LAMA4: variants seen among roughly 807,000 people sequenced by gnomAD.
LAMA4 encodes the protein laminin subunit alpha-4.
Under a neutral mutation model 207.1 loss-of-function variants are expected in LAMA4, and 127 were observed. That is an observed-to-expected ratio of 0.61 (90% CI 0.53 to 0.71). The LOEUF (loss-of-function observed/expected upper bound fraction) is 0.71. LAMA4 is among the 30% of genes least tolerant of loss of function. The pLI is 0.00. For missense variants in LAMA4, 2,093 were observed against 2,246.5 expected (o/e 0.93, Z 1.38); for synonymous variants, 761 against 816.0 (o/e 0.93, Z 1.15).
At chr6:112,141,720 G>C (rs542984736) in intron 20 of LAMA4, among the ~76,000 whole-genome samples, 2 of 152,128 alleles carry the variant, frequency 1.3e-5, no homozygotes, top group South Asian at 2.1e-4. Context: ...GCTCAGGCTC[G>C]TGGAAATTTG....
intron 38 of LAMA4, among the ~76,000 whole-genome samples, chr6:112,113,517 G>A (rs1480999132): frequency 2.0e-5 from 3 of 152,170 alleles, no homozygotes; most frequent in Non-Finnish European, 4.4e-5. Context: ...GTCACCATCC[G>A]GGATTATACA....
chr6:112,148,681 A>G (rs920186131), intron 17 of LAMA4, among the ~76,000 whole-genome samples: 14 of 148,632 alleles, frequency 9.4e-5, no homozygotes, highest in Admixed American at 1.4e-4. Context: ...AAATGATTCT[A>G]TAGAAGTTAA....
In LAMA4 at chr6:112,144,775, G is replaced by C; in HGVS notation, c.2493+19C>G. On this transcript the variant is annotated intron_variant, in intron 19 of 38. Transcript: ENST00000230538. ...TTATTATTACCGCTGACTGACTGAT[G>C]AGTCTTTTCATCAGTTACCTTGCTG... The C allele has an allele frequency of 1.2e-6, 2 of 1,612,088 alleles. No homozygotes were observed. The highest frequency in any genetic ancestry group is 1.7e-6 in the Non-Finnish European group (2 of 1,179,838).
At chr6:112,207,518 AAACC>A (rs112175330) in intron 3 of LAMA4, among the ~76,000 whole-genome samples, 5 of 152,056 alleles carry the variant, frequency 3.3e-5, no homozygotes, top group Non-Finnish European at 7.4e-5. Context: ...ATGAAATGAG[AAACC>A]AACCAACCAA....
chr6:112,242,582 C>T (rs1786596763), intron 2 of LAMA4, among the ~76,000 whole-genome samples: 1 of 152,142 alleles, frequency 6.6e-6, no homozygotes, highest in Non-Finnish European at 1.5e-5. Context: ...ACCTGAGGTT[C>T]TGCATCTCTA....
Position 112,142,310 on chromosome 6 carries a change from T to G in LAMA4, c.2494-18A>C. 19 of 1,613,630 alleles carry G rather than the reference T, an allele frequency of 1.2e-5. No individual in the cohort carries two copies. Among genetic ancestry groups the G allele is most frequent in the Non-Finnish European group, 1.6e-5 (19 of 1,179,670 alleles). Reference sequence around the variant, plus strand: ...ACTTGGATCTGGAGTGACACAACGGTTTCATTAAAAGTGCTTTGCAGAAAT... The same window carrying G: ...ACTTGGATCTGGAGTGACACAACGGGTTCATTAAAAGTGCTTTGCAGAAAT... On this transcript the variant is annotated intron_variant, in intron 19 of 38. Coordinates refer to ENST00000230538, the MANE Select transcript of LAMA4 (RefSeq NM_001105206.3).
intron 36 of LAMA4, among the ~76,000 whole-genome samples, chr6:112,115,186 T>C (rs1339509560): frequency 2.0e-5 from 3 of 152,244 alleles, no homozygotes; most frequent in East Asian, 3.9e-4. Context: ...TTGGGAGGAT[T>C]AAATGAGTTA....
At chr6:112,109,678 A>G in intron 38 of LAMA4, 96 bp from the exon 39 acceptor site, 1 of 1,224,566 alleles carries the variant, frequency 8.2e-7, no homozygotes, top group East Asian at 2.4e-5. Flanking sequence ...TGCTCATATC[A>G]TCAATATGAT....
chr6:112,184,413 TGG>T (rs1415576081), intron 9 of LAMA4, among the ~76,000 whole-genome samples: 1 of 152,086 alleles, frequency 6.6e-6, no homozygotes, highest in East Asian at 1.9e-4. Flanking sequence ...AGCACATGGA[TGG>T]ATGTTTTTCC....
At chr6:112,151,570 T>C (rs1327840706) in intron 16 of LAMA4, among the ~76,000 whole-genome samples, 8 of 152,156 alleles carry the variant, frequency 5.3e-5, no homozygotes, top group South Asian at 2.1e-4. Context: ...TATTTAGATC[T>C]TTATGCGTAG....
At chr6:112,227,569 T>C (rs1785292325) in intron 2 of LAMA4, among the ~76,000 whole-genome samples, 1 of 152,254 alleles carries the variant, frequency 6.6e-6, no homozygotes, top group South Asian at 2.1e-4. Context: ...GTGACTAATG[T>C]GGTCTTGACA....
At chr6:112,169,307 G>C (rs1006102721) in intron 12 of LAMA4, among the ~76,000 whole-genome samples, 1 of 152,160 alleles carries the variant, frequency 6.6e-6, no homozygotes, top group African/African-American at 2.4e-5. Context: ...TTGGAGGGGA[G>C]AGGAGAACCC....
At chr6:112,152,572 A>C (rs982204120) in intron 16 of LAMA4, among the ~76,000 whole-genome samples, 1 of 152,094 alleles carries the variant, frequency 6.6e-6, no homozygotes, top group Non-Finnish European at 1.5e-5. Flanking sequence ...TTTCTTAACA[A>C]ACAGAAAAAT....
At chr6:112,241,148 T>TGAATATATATATGAATATATAG in intron 2 of LAMA4, among the ~76,000 whole-genome samples, 1 of 99,654 alleles carries the variant, frequency 1.0e-5, no homozygotes, top group East Asian at 2.2e-4. Flanking sequence ...AATATATATA[T>TGAATATATATATGAATATATAG]GAATATATAT....
At position 112,119,185 on chromosome 6, in the gene LAMA4, C is replaced by A. The variant is rs202176359; in HGVS notation, c.4792G>T (p.Ala1598Ser). The change falls in exon 34 of 39, where the codon GCT (alanine) becomes TCT (serine). Residue 1598 changes from alanine to serine, a missense_variant. Physicochemically the swap from Ala to Ser is moderately conservative, Grantham distance 99. This residue lies in a region of LAMA4 where 383 missense variants were observed against 437.8 expected (regional missense o/e 0.87). Coordinates refer to ENST00000230538, the MANE Select transcript of LAMA4 (RefSeq NM_001105206.3). ...IKGPIYLGGV[A>S]PGKAVKNVQI... The stretch of plus-strand genomic sequence containing the variant: ...ACATTTTTCACAGCCTTTCCAGGAG[C>A]CACACCTCCCAAATAAATGGGACCC... 321 of 1,613,850 alleles carry A rather than the reference C, an allele frequency of 2.0e-4. No homozygotes were observed. The highest frequency in any genetic ancestry group is 2.5e-4 in the Non-Finnish European group (296 of 1,179,928).
At chr6:112,251,982 G>C (rs1554189950) in intron 2 of LAMA4, among the ~76,000 whole-genome samples, 1 of 152,086 alleles carries the variant, frequency 6.6e-6, no homozygotes, top group Non-Finnish European at 1.5e-5. Context: ...ATAATATTAA[G>C]TAAAAGAAAA....
intron 29 of LAMA4, among the ~76,000 whole-genome samples, chr6:112,130,693 AATATTAGTAGGC>A (rs1284329075): frequency 6.6e-6 from 1 of 152,078 alleles, no homozygotes; most frequent in Non-Finnish European, 1.5e-5. Context: ...TTCAGTAGGT[AATATTAGTAGGC>A]ATTTCCCTCA....
intron 2 of LAMA4, chr6:112,217,508 G>A (rs1354577321): frequency 1.3e-5 from 2 of 152,042 alleles, no homozygotes; most frequent in Non-Finnish European, 2.9e-5. Context: ...TGGCGACCAG[G>A]AAATTTTCAT....
In LAMA4 at chr6:112,146,852, A is replaced by G. The variant is rs1276361357; in HGVS notation, c.2353+1305T>C. ...ATATTTATTGTTTGGATCACTGACA[A>G]CGACATTTATTTTAGAGTATACTAG... On this transcript the variant is annotated intron_variant, in intron 18 of 38. Coordinates refer to ENST00000230538, the MANE Select transcript of LAMA4 (RefSeq NM_001105206.3). Among the ~76,000 whole-genome samples, 7 of 152,346 alleles carry G rather than the reference A, an allele frequency of 4.6e-5. No individual in the cohort carries two copies. In the South Asian group the frequency reaches 1.2e-3, roughly 27 times the overall value.
Sources: gnomAD v4.1 joint callset for allele counts (sites outside exome capture counted in the v4.1 genomes callset) on GRCh38, gnomAD v4.1.1 for gene constraint, gnomAD v4.1.1 regional missense constraint, MANE v1.5 for transcripts, NCBI Gene and HGNC (gene_info 2026-07-23, HGNC 2026-07-21) for gene names.